SOD2: variants seen among roughly 807,000 people sequenced by gnomAD.
SOD2 encodes superoxide dismutase 2, also known as superoxide dismutase [Mn], mitochondrial.
In SOD2, 11 loss-of-function variants were observed where a neutral mutation model predicts 27.0. The observed-to-expected ratio is 0.41, with a 90% CI of 0.26 to 0.67. The LOEUF (loss-of-function observed/expected upper bound fraction) is 0.67, where lower values mean the gene tolerates loss of function less well. Among genes scored for constraint, SOD2 ranks in the 30% least tolerant of loss-of-function variants. The probability of loss-of-function intolerance (pLI) is 0.34; values close to 1 mark genes in which losing one functional copy is unlikely to be tolerated. For missense variants in SOD2, 250 were observed against 274.5 expected (o/e 0.91, Z 0.63); for synonymous variants, 105 against 103.0 (o/e 1.02, Z -0.12).
chr6:159,699,116 T>C (rs1777482061), intron 1 of SOD2, among the ~76,000 whole-genome samples: 1 of 152,088 alleles, frequency 6.6e-6, no homozygotes, highest in Non-Finnish European at 1.5e-5. Flanking sequence ...CCCAGCCTTA[T>C]CTAATTGGAG....
intron 3 of SOD2, among the ~76,000 whole-genome samples, chr6:159,687,200 T>C (rs1488664664): frequency 6.6e-6 from 1 of 152,150 alleles, no homozygotes; most frequent in African/African-American, 2.4e-5. Flanking sequence ...AGTTCATCTT[T>C]TCTAGACTGG....
Position 159,727,072 on chromosome 6 carries a change from C to T in SOD2, c.-116+57G>A, listed in dbSNP as rs1051376265. On this transcript the variant is annotated intron_variant, in intron 1 of 2. Transcript: ENST00000401980. ...CTTCCACCTTCCCTTCCCGTGATGCCCTGGGGCTGACCTCCGACCTCGCTG... is the reference window on the plus strand; with the variant it reads ...CTTCCACCTTCCCTTCCCGTGATGCTCTGGGGCTGACCTCCGACCTCGCTG... 3 of 1,207,268 alleles carry T rather than the reference C, an allele frequency of 2.5e-6. No homozygotes were observed. The South Asian group carries it at 4.4e-5, about 18-fold the overall frequency. The allele number at this position is 1,207,268 out of a possible 1,614,324, so 74.8% of individuals were successfully genotyped here.
intron 1 of SOD2, among the ~76,000 whole-genome samples, chr6:159,750,922 T>A (rs1779797179): frequency 1.3e-5 from 2 of 152,240 alleles, no homozygotes; most frequent in East Asian, 3.8e-4. Context: ...GTGTCTTCGC[T>A]TTACTGTTTT....
rs529731413 is a variant in SOD2 at position 159,708,350 on chromosome 6, G to A, written c.-115-15487C>T. On this transcript the variant is annotated intron_variant, in intron 1 of 2. Transcript: ENST00000401980. Reference sequence around the variant, plus strand: ...AATTGTCCCTGTTTGCAGATGACACGATTGTGTATCTAGAAAACCCCATCA... The same window carrying A: ...AATTGTCCCTGTTTGCAGATGACACAATTGTGTATCTAGAAAACCCCATCA... Among the ~76,000 whole-genome samples the A allele has an allele frequency of 7.2e-5, 11 of 152,322 alleles. No homozygotes were observed. In the East Asian group the frequency reaches 1.9e-3, roughly 27 times the overall value.
At chr6:159,701,367 G>T (rs1777519664) in intron 1 of SOD2, among the ~76,000 whole-genome samples, 1 of 152,158 alleles carries the variant, frequency 6.6e-6, no homozygotes, top group Non-Finnish European at 1.5e-5. Flanking sequence ...AACTTAAAGT[G>T]ATTATAAGAC....
At chr6:159,713,723 A>T in intron 1 of SOD2, 2 of 912,168 alleles carry the variant, frequency 2.2e-6, no homozygotes, top group East Asian at 4.8e-5. Context: ...AATCCATTTC[A>T]ACACTATTAG....
intron 1 of SOD2, among the ~76,000 whole-genome samples, chr6:159,708,152 A>G (rs1277242006): frequency 6.6e-6 from 1 of 152,128 alleles, no homozygotes; most frequent in Non-Finnish European, 1.5e-5. Context: ...ACAAACCCAC[A>G]CCCAATATCA....
exon 1 of SOD2, chr6:159,762,139 A>G (rs1159348058): frequency 6.2e-7 from 1 of 1,611,648 alleles, no homozygotes; most frequent in African/African-American, 1.3e-5. Flanking sequence ...GCGGACCATC[A>G]TAGGTGAGTG....
chr6:159,709,499 A>G (rs1777689856), intron 1 of SOD2, among the ~76,000 whole-genome samples: 1 of 152,258 alleles, frequency 6.6e-6, no homozygotes, highest in African/African-American at 2.4e-5. Context: ...TTATGCATCC[A>G]ACAGACACAT....
chr6:159,751,666 T>C (rs1229330503), intron 1 of SOD2, among the ~76,000 whole-genome samples: 1 of 152,234 alleles, frequency 6.6e-6, no homozygotes, highest in African/African-American at 2.4e-5. Context: ...CTGGTGGCTT[T>C]CACCCTCGGG....
intron 1 of SOD2, among the ~76,000 whole-genome samples, chr6:159,702,850 G>GAAAA (rs35570449): frequency 3.3e-5 from 1 of 30,672 alleles, no homozygotes; most frequent in Non-Finnish European, 5.9e-5. Context: ...ACCCTATCTC[G>GAAAA]AAAAAAAAAA....
intron 1 of SOD2, among the ~76,000 whole-genome samples, chr6:159,757,401 T>C (rs902461144): frequency 2.7e-5 from 4 of 147,002 alleles, no homozygotes; most frequent in African/African-American, 9.8e-5. Context: ...ATTAACCTTT[T>C]CTTTTTTTTC....
Position 159,678,740 on chromosome 6 carries a change from T to C in SOD2, c.*3753A>G, listed in dbSNP as rs930149524. 1 of 152,196 alleles carries C rather than the reference T, an allele frequency of 6.6e-6. No homozygotes were observed. The highest frequency in any genetic ancestry group is 2.4e-5 in the African/African-American group (1 of 41,464). 9.4% of individuals were successfully genotyped at this position (152,196 alleles called of 1,614,324 possible). A position where few individuals can be genotyped will look rare whatever the true frequency, so the allele number is the denominator to read the frequency against. On this transcript the variant is annotated 3_prime_UTR_variant, in exon 5 of 5. Coordinates refer to ENST00000538183, the MANE Select transcript of SOD2 (RefSeq NM_000636.4). ...CAGTCAGAAGTATAGGGACTTGCGA[T>C]TGGTATCTGGAGTGGGGGCAGTCTT... is the stretch of plus-strand genomic sequence containing the variant.
At chr6:159,760,615 G>A (rs1780103562) in intron 1 of SOD2, 1 of 152,232 alleles carries the variant, frequency 6.6e-6, no homozygotes, top group African/African-American at 2.4e-5. Flanking sequence ...AGTCAGCTTA[G>A]GAGACGAGGT....
At chr6:159,689,868 GA>G (rs761848520) in intron 2 of SOD2, among the ~76,000 whole-genome samples, 8 of 152,034 alleles carry the variant, frequency 5.3e-5, no homozygotes, top group Non-Finnish European at 1.2e-4. Flanking sequence ...CATGAGGCAG[GA>G]GAATGGCTTG....
At chr6:159,750,321 G>A (rs1297601585) in intron 1 of SOD2, among the ~76,000 whole-genome samples, 4 of 152,064 alleles carry the variant, frequency 2.6e-5, no homozygotes, top group Non-Finnish European at 2.9e-5. Context: ...ATCTTTCTTT[G>A]ACACTTAGAT....
chr6:159,690,306 A>G (rs1780396498), intron 2 of SOD2, among the ~76,000 whole-genome samples: 1 of 147,906 alleles, frequency 6.8e-6, no homozygotes, highest in Admixed American at 6.7e-5. Flanking sequence ...AAAAAAAAAA[A>G]GTATGTCTGA....
rs1777318411 is a variant in SOD2, at chr6:159,693,173, T to C, written c.-6A>G. 1.3e-6 allele frequency: 2 copies of C among 1,530,696 alleles called. No individual in the cohort carries two copies. Among genetic ancestry groups the C allele is most frequent in the African/African-American group, 1.4e-5 (1 of 70,750 alleles). 94.8% of individuals were successfully genotyped at this position (1,530,696 alleles called of 1,614,324 possible). A position where few individuals can be genotyped will look rare whatever the true frequency, so the allele number is the denominator to read the frequency against. On this transcript the variant is annotated 5_prime_UTR_variant, in exon 1 of 5. Transcript: ENST00000538183. ...CACACTGCCCGGCTCAACATGCTGC[T>C]AGTGCTGGTGCTACCGCTGATGCCG...
At chr6:159,752,566 G>A (rs2114956452) in intron 1 of SOD2, among the ~76,000 whole-genome samples, 1 of 152,208 alleles carries the variant, frequency 6.6e-6, no homozygotes, top group South Asian at 2.1e-4. Flanking sequence ...CTCCTAGATT[G>A]GCAGATATTT....
Sources: allele counts gnomAD v4.1 joint callset (sites outside exome capture counted in the v4.1 genomes callset), GRCh38; gene constraint gnomAD v4.1.1; transcripts MANE v1.5; gene names NCBI Gene and HGNC (gene_info 2026-07-23, HGNC 2026-07-21).